Variants in DGCR2 observed in about 807,000 individuals in gnomAD.
The protein encoded by DGCR2 is DiGeorge syndrome critical region gene 2, also known as integral membrane protein DGCR2/IDD.
Under a neutral mutation model 51.6 loss-of-function variants are expected in DGCR2, and 24 were observed. The ratio of observed to expected loss-of-function variants is 0.47; its 90% CI spans 0.34 to 0.65. DGCR2 has a LOEUF of 0.65. DGCR2 is among the 30% of genes least tolerant of loss of function. The pLI, the probability that DGCR2 is intolerant of heterozygous loss-of-function variation, is 0.01. For synonymous variants in DGCR2, 340 were observed against 315.4 expected (o/e 1.08, Z -0.82); for missense variants, 765 against 772.1 (o/e 0.99, Z 0.11).
rs940344447 is a variant in DGCR2 at position 19,039,015 on chromosome 22, C to T, written c.1503G>A (p.Gly501=). 4 of 1,612,518 alleles carry T rather than the reference C, an allele frequency of 2.5e-6. No individual in the cohort carries two copies. Among genetic ancestry groups the T allele is most frequent in the Non-Finnish European group, 3.4e-6 (4 of 1,179,716 alleles). Residue 501 remains glycine, a synonymous_variant, in exon 10 of 10, where the codon GGG becomes GGA. Coordinates refer to ENST00000263196, the MANE Select transcript of DGCR2 (RefSeq NM_005137.3). Reference sequence around the variant, plus strand: ...AGTCTTCCAGGTCTGCCAGAGAGGCCCCCGCAGTGGGCAGAGGCTGCTCCA... The same window carrying T: ...AGTCTTCCAGGTCTGCCAGAGAGGCTCCCGCAGTGGGCAGAGGCTGCTCCA... ...RRLEQPLPTA[G]ASLADLEDSA...
intron 7 of DGCR2, among the ~76,000 whole-genome samples, chr22:19,043,245 G>A (rs2082452761): frequency 1.3e-5 from 2 of 152,224 alleles, no homozygotes. Flanking sequence ...GTATTCAGCA[G>A]GTGGAGGCCG....
chr22:19,042,760 C>G (rs924495839), intron 7 of DGCR2, among the ~76,000 whole-genome samples: 1 of 152,214 alleles, frequency 6.6e-6, no homozygotes, highest in Non-Finnish European at 1.5e-5. Context: ...CCACAACTCC[C>G]TGATGGACTG....
At chr22:19,065,214 G>A in intron 3 of DGCR2, 147 bp from the exon 4 acceptor site, 4 of 652,766 alleles carry the variant, frequency 6.1e-6, no homozygotes, top group Non-Finnish European at 1.1e-5. Context: ...GTCTGCTTCT[G>A]AAACCACATT....
intron 9 of DGCR2, 139 bp from the exon 10 acceptor site, chr22:19,039,260 C>T (rs945240985): frequency 8.6e-6 from 9 of 1,050,114 alleles, no homozygotes; most frequent in South Asian, 1.6e-5. Context: ...ACCTGGGTGG[C>T]TCCCCCGGGC....
intron 7 of DGCR2, chr22:19,045,314 A>T (rs952149692): frequency 6.6e-6 from 1 of 152,242 alleles, no homozygotes; most frequent in African/African-American, 2.4e-5. Flanking sequence ...TAACAGATCA[A>T]ACTCCTTGTT....
intron 2 of DGCR2, among the ~76,000 whole-genome samples, chr22:19,068,604 C>T (rs1018998813): frequency 6.6e-6 from 1 of 152,186 alleles, no homozygotes; most frequent in Non-Finnish European, 1.5e-5. Context: ...CCCAGGCTGC[C>T]CCTACCCCTT....
chr22:19,082,742 G>C (rs1223950967), intron 2 of DGCR2, among the ~76,000 whole-genome samples: 2 of 150,894 alleles, frequency 1.3e-5, no homozygotes, highest in African/African-American at 2.4e-5. Flanking sequence ...GGGTGACAGA[G>C]CGAAACTCCA....
chr22:19,065,398 G>GC (rs1482560203), intron 3 of DGCR2, among the ~76,000 whole-genome samples: 2 of 152,208 alleles, frequency 1.3e-5, no homozygotes, highest in African/African-American at 4.8e-5. Flanking sequence ...CAACTCCCAT[G>GC]CAGTTCACTT....
At chr22:19,107,218 C>T (rs1176917314) in intron 1 of DGCR2, among the ~76,000 whole-genome samples, 1 of 152,132 alleles carries the variant, frequency 6.6e-6, no homozygotes, top group Non-Finnish European at 1.5e-5. Flanking sequence ...GTCACTCCTC[C>T]CCTGGACCCT....
chr22:19,096,882 TA>T (rs991223620), intron 1 of DGCR2, among the ~76,000 whole-genome samples: 18 of 107,166 alleles, frequency 1.7e-4, no homozygotes, highest in South Asian at 2.7e-4. Context: ...TCCATTCTAT[TA>T]AAAAAAAAAA....
intron 9 of DGCR2, among the ~76,000 whole-genome samples, chr22:19,040,086 G>A (rs2082414849): frequency 6.6e-6 from 1 of 152,216 alleles, no homozygotes; most frequent in South Asian, 2.1e-4. Context: ...CTCCCTCCCG[G>A]CCAGCCCCTC....
At chr22:19,063,388 T>C in intron 4 of DGCR2, 110 bp from the exon 5 acceptor site, 3 of 968,762 alleles carry the variant, frequency 3.1e-6, no homozygotes, top group Non-Finnish European at 4.7e-6. Context: ...GTCACCAGGA[T>C]GGAGTGCAGT....
intron 7 of DGCR2, chr22:19,046,166 T>G (rs1380609345): frequency 6.6e-6 from 1 of 152,218 alleles, no homozygotes; most frequent in Non-Finnish European, 1.5e-5. Context: ...GAACATGGTA[T>G]CTTTCCTTTT....
chr22:19,066,175 A>G (rs1397098750), intron 3 of DGCR2, among the ~76,000 whole-genome samples: 1 of 152,164 alleles, frequency 6.6e-6, no homozygotes, highest in Non-Finnish European at 1.5e-5. Context: ...CGAGGTGGGC[A>G]GATTGCTTGA....
At chr22:19,069,394 C>A (rs146966827) in intron 2 of DGCR2, among the ~76,000 whole-genome samples, 360 of 152,218 alleles carry the variant, frequency 2.4e-3, no homozygotes, top group Non-Finnish European at 4.4e-3. Flanking sequence ...TGCTTTTTTG[C>A]TCATGATAAA....
intron 1 of DGCR2, among the ~76,000 whole-genome samples, chr22:19,105,899 C>T (rs183423239): frequency 6.6e-6 from 1 of 152,078 alleles, no homozygotes; most frequent in Non-Finnish European, 1.5e-5. Context: ...TCCCGCAAAG[C>T]CCCACATCCA....
In DGCR2 at chr22:19,041,053, G is replaced by A. The variant is rs774210786; in HGVS notation, c.1396+5C>T. 6.3e-6 allele frequency: 10 copies of A among 1,577,158 alleles called. No homozygotes were observed. Among genetic ancestry groups the A allele is most frequent in the Non-Finnish European group, 8.6e-6 (10 of 1,156,966 alleles). On this transcript the variant is annotated splice_donor_5th_base_variant and intron_variant, in intron 9 of 9. Coordinates refer to ENST00000263196, the MANE Select transcript of DGCR2 (RefSeq NM_005137.3). ...GGTGTTCCCTCTCCCTGGGGAGTCAGGCACCTGCAGGGTCATAGAACACAC... is the reference window on the plus strand; with the variant it reads ...GGTGTTCCCTCTCCCTGGGGAGTCAAGCACCTGCAGGGTCATAGAACACAC...
intron 2 of DGCR2, among the ~76,000 whole-genome samples, chr22:19,070,682 C>T (rs1179163436): frequency 6.6e-6 from 1 of 152,202 alleles, no homozygotes; most frequent in Non-Finnish European, 1.5e-5. Flanking sequence ...ACCAGAAAGC[C>T]AAATGGTGAT....
At chr22:19,070,185 G>A (rs1454580729) in intron 2 of DGCR2, among the ~76,000 whole-genome samples, 2 of 152,198 alleles carry the variant, frequency 1.3e-5, no homozygotes, top group African/African-American at 4.8e-5. Flanking sequence ...CTCGCTGGTA[G>A]CTCTGATGCA....
Sources: allele counts gnomAD v4.1 joint callset (sites outside exome capture counted in the v4.1 genomes callset), GRCh38; gene constraint gnomAD v4.1.1; transcripts MANE v1.5; gene names NCBI Gene and HGNC (gene_info 2026-07-23, HGNC 2026-07-21).